Variants in ANKRD44 observed in about 807,000 individuals in gnomAD.
ANKRD44 encodes the protein serine/threonine-protein phosphatase 6 regulatory ankyrin repeat subunit B.
Under a neutral mutation model 116.0 loss-of-function variants are expected in ANKRD44, and 35 were observed. The observed-to-expected ratio is 0.30, with a 90% CI of 0.23 to 0.40. ANKRD44 has a LOEUF of 0.40. Among genes scored for constraint, ANKRD44 ranks in the 10% least tolerant of loss-of-function variants. The pLI, the probability that ANKRD44 is intolerant of heterozygous loss-of-function variation, is 1.00. For synonymous variants in ANKRD44, 435 were observed against 461.8 expected (o/e 0.94, Z 0.74); for missense variants, 1,014 against 1,242.6 (o/e 0.82, Z 2.77).
chr2:197,092,514 T>C (rs1021113060), intron 10 of ANKRD44, among the ~76,000 whole-genome samples: 4 of 152,236 alleles, frequency 2.6e-5, no homozygotes, highest in African/African-American at 7.2e-5. Context: ...AACCACTGTT[T>C]TCTCTTTCCA....
intron 16 of ANKRD44, among the ~76,000 whole-genome samples, chr2:197,059,477 T>C (rs1291608262): frequency 6.6e-6 from 1 of 152,206 alleles, no homozygotes; most frequent in African/African-American, 2.4e-5. Context: ...TCTGATCCAA[T>C]GACAGCTAAT....
chr2:197,257,723 C>T (rs1360480534), intron 1 of ANKRD44, among the ~76,000 whole-genome samples: 1 of 152,058 alleles, frequency 6.6e-6, no homozygotes, highest in Non-Finnish European at 1.5e-5. Context: ...TACTATGTAC[C>T]CACAAAAAGT....
At chr2:196,968,386 C>A (rs2075690809) in intron 21 of ANKRD44, among the ~76,000 whole-genome samples, 1 of 152,156 alleles carries the variant, frequency 6.6e-6, no homozygotes, top group African/African-American at 2.4e-5. Context: ...ACAGCATCAT[C>A]ATCATCTTTA....
chr2:196,978,222 A>T (rs2075773822), intron 21 of ANKRD44, among the ~76,000 whole-genome samples: 2 of 152,044 alleles, frequency 1.3e-5, no homozygotes, highest in African/African-American at 4.8e-5. Context: ...TCTTGCTCTG[A>T]GTTCACAGGA....
intron 16 of ANKRD44, among the ~76,000 whole-genome samples, chr2:197,045,577 G>A (rs2076987214): frequency 7.2e-5 from 11 of 152,148 alleles, no homozygotes; most frequent in Admixed American, 7.2e-4. Flanking sequence ...CAGGAAGAAA[G>A]CAAGAGAGTC....
chr2:197,225,780 A>T (rs559621278), intron 1 of ANKRD44, among the ~76,000 whole-genome samples: 94 of 152,348 alleles, frequency 6.2e-4, no homozygotes, highest in Middle Eastern at 3.4e-3. Context: ...ACAAAATATA[A>T]CTTTTTCCCA....
intron 10 of ANKRD44, among the ~76,000 whole-genome samples, chr2:197,093,500 A>G (rs544841832): frequency 6.6e-6 from 1 of 152,270 alleles, no homozygotes; most frequent in Non-Finnish European, 1.5e-5. Flanking sequence ...TTTGATATAT[A>G]TTTTTTACTC....
intron 16 of ANKRD44, among the ~76,000 whole-genome samples, chr2:197,030,331 A>T (rs1308158301): frequency 6.6e-6 from 1 of 152,188 alleles, no homozygotes; most frequent in Non-Finnish European, 1.5e-5. Context: ...AGGCAGAGAA[A>T]ATCTGTGATT....
chr2:197,088,810 A>G (rs747916800), intron 11 of ANKRD44, 36 bp from the exon 12 acceptor site: 6 of 1,603,174 alleles, frequency 3.7e-6, no homozygotes, highest in Non-Finnish European at 5.1e-6. Context: ...AAACAAGGAT[A>G]CTATGCTATA....
Position 197,229,723 on chromosome 2 carries a change from G to C in ANKRD44, c.28-42617C>G, listed in dbSNP as rs1369831825. 2.0e-5 allele frequency among the ~76,000 whole-genome samples: 3 copies of C among 152,158 alleles called. No individual in the cohort carries two copies. The East Asian group carries it at 5.8e-4, about 29-fold the overall frequency. ...GTACTGTTCTTGTTCCTGAAGACAA[G>C]GCACAGTAAGATTAAGTAACTTTCC... On this transcript the variant is annotated intron_variant, in intron 1 of 27. Coordinates refer to ENST00000282272, the MANE Select transcript of ANKRD44 (RefSeq NM_001195144.2).
At chr2:197,287,148 T>C (rs967823421) in intron 1 of ANKRD44, among the ~76,000 whole-genome samples, 5 of 152,032 alleles carry the variant, frequency 3.3e-5, no homozygotes, top group African/African-American at 1.2e-4. Context: ...ACCACTCTAG[T>C]GGGGATGGTG....
chr2:196,990,869 G>T (rs945154256), intron 27 of ANKRD44: 21 of 1,232,628 alleles, frequency 1.7e-5, no homozygotes, highest in Non-Finnish European at 2.1e-5. Context: ...TAGCCAAAAT[G>T]AGGGCCAGGC....
At chr2:197,242,379 G>T (rs1324341699) in intron 1 of ANKRD44, among the ~76,000 whole-genome samples, 2 of 152,006 alleles carry the variant, frequency 1.3e-5, no homozygotes, top group Admixed American at 6.6e-5. Context: ...TTTAATTCTG[G>T]CCAAAGGAAA....
At chr2:196,996,418 G>A (rs1036594142) in intron 25 of ANKRD44, among the ~76,000 whole-genome samples, 1 of 152,142 alleles carries the variant, frequency 6.6e-6, no homozygotes, top group Non-Finnish European at 1.5e-5. Flanking sequence ...GTACCATATA[G>A]GTAACACTGA....
Position 196,986,852 on chromosome 2 carries a change from TAC to T in ANKRD44, c.*2737_*2738del, listed in dbSNP as rs555534558. 7.1e-6 allele frequency: 7 copies of T among 985,328 alleles called. No individual in the cohort carries two copies. The highest frequency in any genetic ancestry group is 8.4e-6 in the Non-Finnish European group (7 of 829,924). 61.0% of individuals were successfully genotyped at this position (985,328 alleles called of 1,614,324 possible). The stretch of plus-strand genomic sequence containing the variant: ...AACTAAAAGTCATTTTCCCCATTTT[TAC>T]AGTCATGACATTTACCAGAGTCATT... On this transcript the variant is annotated 3_prime_UTR_variant, in exon 28 of 28. Coordinates refer to ENST00000282272, the MANE Select transcript of ANKRD44 (RefSeq NM_001195144.2).
downstream of ANKRD44, among the ~76,000 whole-genome samples, chr2:196,986,362 C>A (rs775916446): frequency 6.6e-6 from 1 of 151,844 alleles, no homozygotes; most frequent in Non-Finnish European, 1.5e-5. Flanking sequence ...CTGCAGTGAG[C>A]CGAGATCTCA....
rs543723348 is a variant in ANKRD44, at chr2:197,310,069, G to A, written c.27+509C>T. ...CACACAGCCTGGCGCAACTAAAGAG[G>A]AAGTCGGATGTCACATCCAACGGAT... On this transcript the variant is annotated intron_variant, in intron 1 of 27. Coordinates refer to ENST00000282272, the MANE Select transcript of ANKRD44 (RefSeq NM_001195144.2). Among the ~76,000 whole-genome samples, 133 of 152,324 alleles carry A rather than the reference G, an allele frequency of 8.7e-4. 1 individual carries two copies. Among genetic ancestry groups the A allele is most frequent in the Middle Eastern group, 6.8e-3 (2 of 294 alleles).
At chr2:197,073,663 T>C (rs568021841) in intron 16 of ANKRD44, among the ~76,000 whole-genome samples, 40 of 152,116 alleles carry the variant, frequency 2.6e-4, no homozygotes, top group African/African-American at 9.6e-4. Context: ...TCCCTTAAGG[T>C]TGGGGTCAAG....
At chr2:197,052,518 C>A (rs1222718005) in intron 16 of ANKRD44, among the ~76,000 whole-genome samples, 1 of 152,068 alleles carries the variant, frequency 6.6e-6, no homozygotes, top group Non-Finnish European at 1.5e-5. Flanking sequence ...TAATTACTTA[C>A]CTTAGAGAAA....
Sources: gnomAD v4.1 joint callset for allele counts (sites outside exome capture counted in the v4.1 genomes callset) on GRCh38, gnomAD v4.1.1 for gene constraint, MANE v1.5 for transcripts, NCBI Gene and HGNC (gene_info 2026-07-23, HGNC 2026-07-21) for gene names.